Variants in TGFBR3 observed in about 807,000 individuals in gnomAD.
The protein encoded by TGFBR3 is transforming growth factor beta receptor 3.
TGFBR3 carries 46 observed loss-of-function variants against 87.9 expected under a neutral mutation model. The observed-to-expected ratio is 0.52, with a 90% confidence interval of 0.41 to 0.67. TGFBR3 has a LOEUF of 0.67. Among genes scored for constraint, TGFBR3 ranks in the 30% least tolerant of loss-of-function variants. TGFBR3 has a pLI of 0.00. For missense variants in TGFBR3, 866 were observed against 1,041.9 expected (o/e 0.83, Z 2.32); for synonymous variants, 381 against 391.6 (o/e 0.97, Z 0.32).
At chr1:91,794,454 C>T (rs546068696) in intron 3 of TGFBR3, among the ~76,000 whole-genome samples, 1 of 152,166 alleles carries the variant, frequency 6.6e-6, no homozygotes, top group Non-Finnish European at 1.5e-5. Flanking sequence ...CCACCTGCCT[C>T]GGCCTCCCAA....
intron 16 of TGFBR3, among the ~76,000 whole-genome samples, chr1:91,685,112 T>C (rs1410074659): frequency 6.6e-6 from 1 of 152,144 alleles, no homozygotes; most frequent in Non-Finnish European, 1.5e-5. Flanking sequence ...CTGGCTCATG[T>C]CCCTGGGTCT....
intron 8 of TGFBR3, among the ~76,000 whole-genome samples, chr1:91,721,271 C>T (rs1672359702): frequency 6.6e-6 from 1 of 152,148 alleles, no homozygotes; most frequent in Non-Finnish European, 1.5e-5. Context: ...AAGGTCTGTC[C>T]TATTATTTTC....
At position 91,734,764 on chromosome 1, in the gene TGFBR3, C is replaced by A. The variant is rs753712831; in HGVS notation, c.568+12G>T. ...ATAAATCAGTCATTAACTGAAGCCA[C>A]ATAAAATTTACCTTCCCCCACTTTA... is the stretch of plus-strand genomic sequence containing the variant. On this transcript the variant is annotated intron_variant, in intron 5 of 16. Coordinates refer to ENST00000212355, the MANE Select transcript of TGFBR3 (RefSeq NM_003243.5). 1.9e-6 allele frequency: 3 copies of A among 1,613,974 alleles called. No individual in the cohort carries two copies. Among genetic ancestry groups the A allele is most frequent in the Non-Finnish European group, 2.5e-6 (3 of 1,179,820 alleles).
At chr1:91,876,911 C>T (rs1338207897) in intron 1 of TGFBR3, among the ~76,000 whole-genome samples, 2 of 151,248 alleles carry the variant, frequency 1.3e-5, no homozygotes, top group African/African-American at 4.9e-5. Context: ...AAAAAAAAAG[C>T]AACCCAACTC....
chr1:91,758,667 C>T lies in TGFBR3; in HGVS notation c.330G>A (p.Leu110=), dbSNP rs758951153. The T allele has an allele frequency of 1.4e-5, 23 of 1,613,820 alleles. No individual in the cohort carries two copies. The highest frequency in any genetic ancestry group is 1.9e-5 in the Non-Finnish European group (22 of 1,179,944). Residue 110 remains leucine (L), a synonymous_variant, in exon 4 of 17, where the codon CTG becomes CTA. Transcript: ENST00000212355. ...GTCTCTCTGTCTTCAGATGCCACAC[C>T]AGGGGGTGTGGGGAGTTGAGCAGGA... is the stretch of plus-strand genomic sequence containing the variant. ...VVFLLNSPHP[L]VWHLKTERLA... is the part of the protein sequence containing the mutation.
Position 91,722,072 on chromosome 1 carries a change from T to C in TGFBR3, c.958A>G (p.Ile320Val). ...ACCAGATTCCCTTGGGTTGAAGGAATGTCATCTCTTATTGATTTGGTCATT... is the reference window on the plus strand; with the variant it reads ...ACCAGATTCCCTTGGGTTGAAGGAACGTCATCTCTTATTGATTTGGTCATT... ...MTMTKSIRDD[I>V]PSTQGNLVKW... is the part of the protein sequence containing the mutation. The change falls in exon 8 of 17, where the codon ATT becomes GTT. Residue 320 changes from isoleucine to valine, a missense_variant. Physicochemically the swap from Ile to Val is conservative, Grantham distance 29. Coordinates refer to ENST00000212355, the MANE Select transcript of TGFBR3 (RefSeq NM_003243.5). The C allele has an allele frequency of 6.2e-7, 1 of 1,614,016 alleles. No individual in the cohort carries two copies. Among genetic ancestry groups the C allele is most frequent in the Non-Finnish European group, 8.5e-7 (1 of 1,179,938 alleles).
At chr1:91,767,293 A>G (rs1674217425) in intron 3 of TGFBR3, among the ~76,000 whole-genome samples, 1 of 134,154 alleles carries the variant, frequency 7.5e-6, no homozygotes, top group African/African-American at 2.8e-5. Context: ...GCTAAAGTAC[A>G]ATCTTAGAAA....
intron 2 of TGFBR3, among the ~76,000 whole-genome samples, chr1:91,836,017 G>C (rs1355997289): frequency 6.6e-6 from 1 of 151,980 alleles, no homozygotes; most frequent in East Asian, 1.9e-4. Context: ...GGAGGCCAAG[G>C]TGGGCGGATC....
Position 91,875,771 on chromosome 1 carries a change from C to T in TGFBR3, c.-114+10107G>A, listed in dbSNP as rs555759006. ...GGCATGGTGGCGCACACCTGTAATC[C>T]CAGCTACTCGGGCGGGGGGGGGGGG... On this transcript the variant is annotated intron_variant, in intron 1 of 16. Coordinates refer to ENST00000212355, the MANE Select transcript of TGFBR3 (RefSeq NM_003243.5). Among the ~76,000 whole-genome samples the T allele has an allele frequency of 6.4e-4, 23 of 35,752 alleles. No individual in the cohort carries two copies. In the South Asian group the frequency reaches 0.02, roughly 32 times the overall value. The allele number at this position is 35,752 out of a possible 152,430, so 23.5% of individuals were successfully genotyped here. A position where few individuals can be genotyped will look rare whatever the true frequency, so the allele number is the denominator to read the frequency against.
chr1:91,695,646 A>G (rs1671409140), intron 16 of TGFBR3, 26 bp downstream of exon 16: 1 of 1,578,068 alleles, frequency 6.3e-7, no homozygotes, highest in Non-Finnish European at 8.7e-7. Flanking sequence ...GCTGTTCACC[A>G]ACTCTTACTC....
At position 91,716,344 on chromosome 1, in the gene TGFBR3, C is replaced by A; in HGVS notation, c.1758G>T (p.Gln586His). The A allele has an allele frequency of 6.2e-7, 1 of 1,614,180 alleles. No homozygotes were observed. Among genetic ancestry groups the A allele is most frequent in the South Asian group, 1.1e-5 (1 of 91,080 alleles). The change falls in exon 12 of 17, where the codon CAG (glutamine) becomes CAT (histidine). Residue 586 changes from glutamine to histidine, a missense_variant. Physicochemically the swap from Gln to His is conservative, Grantham distance 24. Transcript: ENST00000212355. The part of the protein sequence containing the change: ...QVRNPSSFQE[Q>H]PHGNITFNME... Reference sequence around the variant, plus strand: ...TGTTGAAGGTGATGTTTCCGTGGGGCTGTTCCTGGAAGCTGCTGGGGTTCC... The same window carrying A: ...TGTTGAAGGTGATGTTTCCGTGGGGATGTTCCTGGAAGCTGCTGGGGTTCC...
At position 91,719,347 on chromosome 1, in the gene TGFBR3, A is replaced by C. The variant is rs1672280199; in HGVS notation, c.1531T>G (p.Trp511Gly). The change falls in exon 10 of 17, where the codon TGG becomes GGG. Residue 511 changes from tryptophan (W) to glycine (G), a missense_variant. By Grantham distance (184) the Trp-to-Gly change is radical (BLOSUM62 -2). Transcript: ENST00000212355. Reference protein sequence around the residue: ...PLNGCGTRPRWSALDGVVYYN... With the variant: ...PLNGCGTRPRGSALDGVVYYN... ...TAGACCACACCATCAAGGGCTGACC[A>C]CCGGGGCCGAGTACCGCAGCCATTC... 6.2e-7 allele frequency: 1 copy of C among 1,614,052 alleles called. No individual in the cohort carries two copies. The highest frequency in any genetic ancestry group is 1.3e-5 in the African/African-American group (1 of 74,920).
At chr1:91,734,751 T>C (rs373793521) in intron 5 of TGFBR3, 25 bp downstream of exon 5, 1 of 1,612,234 alleles carries the variant, frequency 6.2e-7, no homozygotes, top group African/African-American at 1.3e-5. Context: ...AAATCAGTCA[T>C]TAACTGAAGC....
chr1:91,798,308 A>G (rs1675466796), intron 2 of TGFBR3, among the ~76,000 whole-genome samples: 1 of 152,138 alleles, frequency 6.6e-6, no homozygotes, highest in Non-Finnish European at 1.5e-5. Flanking sequence ...TGCCGTTGGC[A>G]TCTCTGTGGG....
intron 1 of TGFBR3, among the ~76,000 whole-genome samples, chr1:91,878,991 G>A (rs753024811): frequency 7.2e-5 from 11 of 152,214 alleles, no homozygotes; most frequent in East Asian, 5.8e-4. Context: ...GTGGGCTTGC[G>A]GGCATGGTGG....
At chr1:91,789,473 T>C (rs1183034571) in intron 3 of TGFBR3, among the ~76,000 whole-genome samples, 1 of 152,202 alleles carries the variant, frequency 6.6e-6, no homozygotes, top group Non-Finnish European at 1.5e-5. Context: ...GGCTGTACTT[T>C]CCTGGGGCAA....
At chr1:91,691,512 G>T (rs1671264202) in intron 16 of TGFBR3, among the ~76,000 whole-genome samples, 1 of 152,192 alleles carries the variant, frequency 6.6e-6, no homozygotes, top group African/African-American at 2.4e-5. Context: ...CTAACATTCT[G>T]TACCTTGCCA....
chr1:91,716,274 C>T lies in TGFBR3; in HGVS notation c.1828G>A (p.Val610Ile), dbSNP rs757151934. 2.5e-5 allele frequency: 40 copies of T among 1,614,006 alleles called. No homozygotes were observed. The Admixed American group carries it at 4.5e-4, about 18-fold the overall frequency. ...TGTCCATTCTCTGGCACAGAGAAGACGCCCTGGGAGGGCACCAAAAAGAGG... is the reference window on the plus strand; with the variant it reads ...TGTCCATTCTCTGGCACAGAGAAGATGCCCTGGGAGGGCACCAAAAAGAGG... Reference protein sequence around the residue: ...TDLFLVPSQGVFSVPENGHVY... With the variant: ...TDLFLVPSQGIFSVPENGHVY... Residue 610 changes from valine (V) to isoleucine (I), a missense_variant, in exon 12 of 17, where the codon GTC becomes ATC. Val to Ile is a conservative substitution (Grantham distance 29). Transcript: ENST00000212355.
intron 2 of TGFBR3, among the ~76,000 whole-genome samples, chr1:91,813,050 T>C (rs937509654): frequency 1.3e-5 from 2 of 152,208 alleles, no homozygotes; most frequent in Non-Finnish European, 2.9e-5. Flanking sequence ...CAATCAAGTC[T>C]GGATGAAGAC....
Sources: allele counts gnomAD v4.1 joint callset (sites outside exome capture counted in the v4.1 genomes callset), GRCh38; gene constraint gnomAD v4.1.1; transcripts MANE v1.5; gene names NCBI Gene and HGNC (gene_info 2026-07-23, HGNC 2026-07-21).